The following RBFOX3 variants were observed in gnomAD, a reference collection of about 807,000 sequenced individuals.
The protein encoded by RBFOX3 is RNA binding protein fox-1 homolog 3.
Under a neutral mutation model 48.7 loss-of-function variants are expected in RBFOX3, and 17 were observed. That is an observed-to-expected ratio of 0.35 (90% CI 0.24 to 0.52). The LOEUF (loss-of-function observed/expected upper bound fraction) is 0.52. Ranked by LOEUF, RBFOX3 falls within the 20% of genes least tolerant of loss-of-function variation. The pLI is 0.94. For synonymous variants in RBFOX3, 212 were observed against 209.5 expected, an observed-to-expected ratio of 1.01 and a Z score of -0.10; for missense variants, 382 against 497.5, an observed-to-expected ratio of 0.77 and a Z score of 2.21.
intron 1 of RBFOX3, among the ~76,000 whole-genome samples, chr17:79,522,827 G>A (rs988629767): frequency 4.7e-4 from 72 of 151,722 alleles, no homozygotes; most frequent in African/African-American, 1.6e-3. Context: ...CTACTAGGGA[G>A]GCTGAGGCAG....
the RBFOX3 span, among the ~76,000 whole-genome samples, chr17:79,638,558 C>T: frequency 6.6e-6 from 1 of 152,192 alleles, no homozygotes; most frequent in African/African-American, 2.4e-5. Flanking sequence ...AAAGCCTAAA[C>T]ATCCTATAGT....
chr17:79,309,788 G>A (rs1474433020), intron 2 of RBFOX3, among the ~76,000 whole-genome samples: 1 of 152,142 alleles, frequency 6.6e-6, no homozygotes, highest in East Asian at 1.9e-4. Flanking sequence ...GTTTAAAAGT[G>A]GTTGGCAGTT....
At chr17:79,119,211 G>A (rs2035033226) in intron 4 of RBFOX3, among the ~76,000 whole-genome samples, 1 of 152,146 alleles carries the variant, frequency 6.6e-6, no homozygotes, top group Admixed American at 6.5e-5. Context: ...GGGGAGCTCC[G>A]GCAGTAGGTG....
the RBFOX3 span, among the ~76,000 whole-genome samples, chr17:79,661,941 T>C: frequency 4.6e-5 from 7 of 152,130 alleles, no homozygotes; most frequent in Admixed American, 1.3e-4. Context: ...CCTTGCCTTT[T>C]TGCTCTCTTA....
At chr17:79,366,689 G>A (rs2057801251) in intron 2 of RBFOX3, among the ~76,000 whole-genome samples, 2 of 152,200 alleles carry the variant, frequency 1.3e-5, no homozygotes, top group Admixed American at 1.3e-4. Context: ...GATGAATGCA[G>A]GGCCCCAGCC....
Position 79,554,459 on chromosome 17 carries a change from C to T in RBFOX3, c.-320+56367G>A, listed in dbSNP as rs1444355956. 2.9e-5 allele frequency among the ~76,000 whole-genome samples: 4 copies of T among 136,722 alleles called. 1 individual carries two copies. Among genetic ancestry groups the T allele is most frequent in the Non-Finnish European group, 6.5e-5 (4 of 61,486 alleles). The allele number at this position is 136,722 out of a possible 152,430, so 89.7% of individuals were successfully genotyped here. A position where few individuals can be genotyped will look rare whatever the true frequency, so the allele number is the denominator to read the frequency against. ...CCCTCTCCATCTTCACTCACAGTCA[C>T]CCCTCACCTGGCCCTCTCCATCTTC... On this transcript the variant is annotated intron_variant, in intron 1 of 14. Transcript: ENST00000693108.
rs74982391 is a variant in RBFOX3, at chr17:79,285,144, C to T, written c.-74+22580G>A. On this transcript the variant is annotated intron_variant, in intron 3 of 14. Transcript: ENST00000693108. Reference sequence around the variant, plus strand: ...AAAGAAGATGCTTGAAAATCTCCTTCTACGACGCAGGCACATCGCAAAGAA... The same window carrying T: ...AAAGAAGATGCTTGAAAATCTCCTTTTACGACGCAGGCACATCGCAAAGAA... Among the ~76,000 whole-genome samples, 336 of 152,310 alleles carry T rather than the reference C, an allele frequency of 2.2e-3. 2 individuals are homozygous for T. Among genetic ancestry groups the T allele is most frequent in the African/African-American group, 7.7e-3 (321 of 41,568 alleles).
chr17:79,230,395 G>A (rs1002594129), intron 4 of RBFOX3, among the ~76,000 whole-genome samples: 3 of 152,056 alleles, frequency 2.0e-5, no homozygotes, highest in Admixed American at 2.0e-4. Flanking sequence ...GAGTAGCTGG[G>A]ACTACAGTCA....
chr17:79,113,112 G>A (rs2146923773), intron 5 of RBFOX3, among the ~76,000 whole-genome samples: 1 of 152,274 alleles, frequency 6.6e-6, no homozygotes, highest in African/African-American at 2.4e-5. Flanking sequence ...GCAGGGCCAA[G>A]GGGAGGCTCG....
rs543748135 is a variant in RBFOX3 at position 79,204,001 on chromosome 17, C to T, written c.-34+31765G>A. ...ACTTTGCACCCCTAAATTCCCTGAA[C>T]GCTCTGGGCTGGTGGAAGTGGCCCC... On this transcript the variant is annotated intron_variant, in intron 4 of 14. Coordinates refer to ENST00000693108, the MANE Select transcript of RBFOX3 (RefSeq NM_001350451.2). The surrounding 1 kb of genome is among the most constrained non-coding windows in gnomAD (Gnocchi z 4.5). Among the ~76,000 whole-genome samples the T allele has an allele frequency of 3.3e-5, 5 of 152,258 alleles. No individual in the cohort carries two copies. The highest frequency in any genetic ancestry group is 1.9e-4 in the East Asian group (1 of 5,188).
chr17:79,277,881 C>T (rs367654432), intron 3 of RBFOX3, among the ~76,000 whole-genome samples: 6 of 152,288 alleles, frequency 3.9e-5, no homozygotes, highest in South Asian at 2.1e-4. Flanking sequence ...AGGGGACTCA[C>T]GGGGATGGGA....
chr17:79,589,289 C>T (rs1003853986), intron 1 of RBFOX3, among the ~76,000 whole-genome samples: 2 of 75,826 alleles, frequency 2.6e-5, no homozygotes, highest in East Asian at 3.9e-4. Context: ...AGCGAGGATC[C>T]GCCCCAGGGC....
intron 2 of RBFOX3, among the ~76,000 whole-genome samples, chr17:79,326,949 C>T (rs2079425759): frequency 6.6e-6 from 1 of 152,192 alleles, no homozygotes; most frequent in Admixed American, 6.5e-5. Context: ...ACACTAAGGC[C>T]CAGAGAGGTT....
intron 2 of RBFOX3, among the ~76,000 whole-genome samples, chr17:79,438,192 G>A (rs558018615): frequency 1.3e-5 from 2 of 152,176 alleles, no homozygotes; most frequent in Admixed American, 6.5e-5. Context: ...CTCCTTCTGT[G>A]CTGCTGGCCA....
chr17:79,439,409 GC>G (rs1422059516), intron 2 of RBFOX3, among the ~76,000 whole-genome samples: 4 of 152,166 alleles, frequency 2.6e-5, no homozygotes, highest in Admixed American at 6.5e-5. Flanking sequence ...ATCTCTCCTC[GC>G]CTTTGCCCAG....
chr17:79,432,020 T>C (rs1196704176), intron 2 of RBFOX3, among the ~76,000 whole-genome samples: 13 of 152,256 alleles, frequency 8.5e-5, no homozygotes, highest in Admixed American at 8.5e-4. Context: ...GTAACCATTC[T>C]AGGGACCTCA....
Position 79,233,372 on chromosome 17 carries a change from G to C in RBFOX3, c.-34+2394C>G, listed in dbSNP as rs1303699620. On this transcript the variant is annotated intron_variant, in intron 4 of 14. Coordinates refer to ENST00000693108, the MANE Select transcript of RBFOX3 (RefSeq NM_001350451.2). The stretch of plus-strand genomic sequence containing the variant: ...AGGGGATTGGGTGGGGTGTGAGGAA[G>C]AGATTACAAAGAGGCACAATGTAAT... Among the ~76,000 whole-genome samples, 4 of 152,192 alleles carry C rather than the reference G, an allele frequency of 2.6e-5. No homozygotes were observed. In the East Asian group the frequency reaches 7.7e-4, roughly 29 times the overall value.
intron 4 of RBFOX3, among the ~76,000 whole-genome samples, chr17:79,147,955 T>C (rs1054939600): frequency 3.9e-5 from 6 of 152,222 alleles, no homozygotes; most frequent in Non-Finnish European, 5.9e-5. Context: ...CACTGACCTG[T>C]GAATATTTCA....
the RBFOX3 span, among the ~76,000 whole-genome samples, chr17:79,633,340 C>T: frequency 6.6e-6 from 1 of 152,254 alleles, no homozygotes; most frequent in Non-Finnish European, 1.5e-5. Flanking sequence ...GCAAGGCCAC[C>T]ACCAACCGGA....
Sources: gnomAD v4.1 joint callset for allele counts (sites outside exome capture counted in the v4.1 genomes callset) on GRCh38, gnomAD v4.1.1 for gene constraint, Gnocchi (gnomAD v3.1) non-coding constraint, MANE v1.5 for transcripts, NCBI Gene and HGNC (gene_info 2026-07-23, HGNC 2026-07-21) for gene names.